CCDC171: variants seen among roughly 807,000 people sequenced by gnomAD.
The protein encoded by CCDC171 is coiled-coil domain-containing protein 171.
Under a neutral mutation model 168.2 loss-of-function variants are expected in CCDC171, and 177 were observed. The ratio of observed to expected loss-of-function variants is 1.05; its 90% CI spans 0.93 to 1.19. The LOEUF (loss-of-function observed/expected upper bound fraction) is 1.19. CCDC171 is among the 50% of genes most tolerant of loss of function. The pLI, the probability that CCDC171 is intolerant of heterozygous loss-of-function variation, is 0.00. For missense variants in CCDC171, 1,991 were observed against 1,539.0 expected, an observed-to-expected ratio of 1.29 and a Z score of -4.91; for synonymous variants, 687 against 540.8, an observed-to-expected ratio of 1.27 and a Z score of -3.75.
At chr9:15,722,952 T>C (rs921522568) in intron 12 of CCDC171, among the ~76,000 whole-genome samples, 4 of 152,166 alleles carry the variant, frequency 2.6e-5, no homozygotes, top group Non-Finnish European at 4.4e-5. Context: ...TAGGAACATA[T>C]TACCCACAGC....
intron 11 of CCDC171, among the ~76,000 whole-genome samples, chr9:15,705,120 A>ACACACACTCT (rs1462439068): frequency 5.3e-5 from 8 of 149,790 alleles, no homozygotes; most frequent in African/African-American, 1.7e-4. Flanking sequence ...ACACACACAC[A>ACACACACTCT]CTCTCACTCA....
chr9:15,811,776 G>C (rs1032245644), intron 21 of CCDC171, among the ~76,000 whole-genome samples: 20 of 152,142 alleles, frequency 1.3e-4, no homozygotes, highest in African/African-American at 4.8e-4. Flanking sequence ...CTTCGATGAT[G>C]GAGTCTACCT....
At chr9:15,970,170 G>A (rs1387377289) in intron 25 of CCDC171, among the ~76,000 whole-genome samples, 1 of 152,044 alleles carries the variant, frequency 6.6e-6, no homozygotes, top group African/African-American at 2.4e-5. Flanking sequence ...GCTGAACTAG[G>A]TGTTAGATGC....
At chr9:15,743,288 C>A (rs1054426325) in intron 16 of CCDC171, among the ~76,000 whole-genome samples, 5 of 151,562 alleles carry the variant, frequency 3.3e-5, no homozygotes, top group African/African-American at 4.9e-5. Context: ...ACCTCAGCCT[C>A]CCGAGTAGCT....
At chr9:15,793,356 C>T (rs1437786024) in intron 21 of CCDC171, among the ~76,000 whole-genome samples, 3 of 151,952 alleles carry the variant, frequency 2.0e-5, no homozygotes, top group Admixed American at 2.0e-4. Context: ...GAGACTTAGA[C>T]TCCCACACAA....
At chr9:15,615,065 A>G (rs1381800317) in intron 6 of CCDC171, among the ~76,000 whole-genome samples, 3 of 152,204 alleles carry the variant, frequency 2.0e-5, no homozygotes, top group South Asian at 4.1e-4. Flanking sequence ...TGACAAGGAT[A>G]GAAGAAAAGA....
chr9:15,646,076 G>T (rs1029892876), intron 7 of CCDC171, among the ~76,000 whole-genome samples: 1 of 152,194 alleles, frequency 6.6e-6, no homozygotes, highest in African/African-American at 2.4e-5. Flanking sequence ...AGCCAGAAGA[G>T]AGTGGGGGCC....
chr9:15,793,680 G>C (rs187726045), intron 21 of CCDC171, among the ~76,000 whole-genome samples: 67 of 146,682 alleles, frequency 4.6e-4, no homozygotes, highest in African/African-American at 1.7e-3. Flanking sequence ...GTCCCAGGTA[G>C]CTTGGACTAC....
intron 18 of CCDC171, among the ~76,000 whole-genome samples, chr9:15,756,952 T>G (rs2056158339): frequency 6.6e-6 from 1 of 152,224 alleles, no homozygotes; most frequent in South Asian, 2.1e-4. Context: ...CTCAGCCATG[T>G]GGAACTATAA....
rs2056247964 is a variant in CCDC171, at chr9:15,758,284, G to A, written c.2671+12653G>A. ...TTGCATCAGCATGACCTGGATATGA[G>A]ACCTGGAGTCAAAGGAGATCATTTT... On this transcript the variant is annotated intron_variant, in intron 18 of 25. Coordinates refer to ENST00000380701, the MANE Select transcript of CCDC171 (RefSeq NM_173550.4). Among the ~76,000 whole-genome samples, 3 of 152,208 alleles carry A rather than the reference G, an allele frequency of 2.0e-5. No homozygotes were observed. The South Asian group carries it at 6.2e-4, about 32-fold the overall frequency.
At chr9:15,731,349 T>G (rs189759507) in intron 16 of CCDC171, among the ~76,000 whole-genome samples, 11 of 152,250 alleles carry the variant, frequency 7.2e-5, no homozygotes, top group African/African-American at 9.6e-5. Flanking sequence ...TGTTCTCATG[T>G]TCTCTCTTCC....
chr9:15,860,712 C>G (rs1081247), intron 23 of CCDC171, among the ~76,000 whole-genome samples: 132,182 of 151,954 alleles, frequency 0.87, 57,588 homozygotes, highest in East Asian at 0.99. Flanking sequence ...CACTTGAGAA[C>G]AATGCGTGTT....
chr9:15,662,573 A>T (rs1429912877), intron 8 of CCDC171, among the ~76,000 whole-genome samples: 1 of 152,140 alleles, frequency 6.6e-6, no homozygotes, highest in East Asian at 1.9e-4. Context: ...GTTCTCTTAA[A>T]ACCTATCAGC....
intron 7 of CCDC171, among the ~76,000 whole-genome samples, chr9:15,648,498 C>G (rs974228741): frequency 3.3e-5 from 5 of 152,068 alleles, no homozygotes; most frequent in African/African-American, 1.2e-4. Context: ...TTTAGAAAAC[C>G]CCATCGTCTC....
At chr9:15,706,241 C>T (rs556410476) in intron 11 of CCDC171, among the ~76,000 whole-genome samples, 107 of 148,842 alleles carry the variant, frequency 7.2e-4, no homozygotes, top group Admixed American at 1.5e-3. Context: ...TCCTTCCTTC[C>T]TTGCTTCCTT....
At chr9:15,964,370 TTTTA>T (rs1212641190) in intron 25 of CCDC171, among the ~76,000 whole-genome samples, 1 of 152,214 alleles carries the variant, frequency 6.6e-6, no homozygotes, top group African/African-American at 2.4e-5. Flanking sequence ...GTATGCTTGT[TTTTA>T]TTTATTTGGT....
At chr9:15,615,642 G>C (rs1218442445) in intron 6 of CCDC171, among the ~76,000 whole-genome samples, 1 of 151,912 alleles carries the variant, frequency 6.6e-6, no homozygotes, top group Non-Finnish European at 1.5e-5. Flanking sequence ...GATTTTCCAG[G>C]TTCTTTTTTT....
chr9:16,096,458 A>G, the CCDC171 span, among the ~76,000 whole-genome samples: 1 of 152,178 alleles, frequency 6.6e-6, no homozygotes, highest in Non-Finnish European at 1.5e-5. Flanking sequence ...TGTGACTGCT[A>G]TGTTCGTGAG....
At position 15,920,239 on chromosome 9, in the gene CCDC171, A is replaced by T. The variant is rs752250409; in HGVS notation, c.3601-31A>T. 18 of 1,415,828 alleles carry T rather than the reference A, an allele frequency of 1.3e-5. No individual in the cohort carries two copies. In the East Asian group the frequency reaches 4.3e-4, roughly 33 times the overall value. 87.7% of individuals were successfully genotyped at this position (1,415,828 alleles called of 1,614,324 possible). On this transcript the variant is annotated intron_variant, in intron 24 of 25. Transcript: ENST00000380701. ...CTCCTTTGGGGACATATTTATTTGA[A>T]TTATATGTGACATTATTTTTATTTC...
Sources: allele counts gnomAD v4.1 joint callset (sites outside exome capture counted in the v4.1 genomes callset), GRCh38; gene constraint gnomAD v4.1.1; transcripts MANE v1.5; gene names NCBI Gene and HGNC (gene_info 2026-07-23, HGNC 2026-07-21).